IGSF21: variants seen among roughly 807,000 people sequenced by gnomAD.
IGSF21 encodes immunoglobulin superfamily member 21.
A neutral mutation model predicts 46.8 loss-of-function variants in IGSF21; 28 were observed. The ratio of observed to expected loss-of-function variants is 0.60; its 90% confidence interval spans 0.44 to 0.82. The LOEUF is 0.82. Ranked by LOEUF, IGSF21 falls within the 40% of genes least tolerant of loss-of-function variation. The pLI is 0.00. For synonymous variants in IGSF21, 284 were observed against 273.6 expected, an observed-to-expected ratio of 1.04 and a Z score of -0.38; for missense variants, 624 against 665.5, an observed-to-expected ratio of 0.94 and a Z score of 0.69.
chr1:18,180,805 A>G (rs915107483), intron 1 of IGSF21, among the ~76,000 whole-genome samples: 1 of 152,256 alleles, frequency 6.6e-6, no homozygotes, highest in Non-Finnish European at 1.5e-5. Flanking sequence ...CTGCAGTATT[A>G]TCCCCACTTC....
intron 3 of IGSF21, among the ~76,000 whole-genome samples, chr1:18,314,872 C>A (rs548714259): frequency 2.0e-4 from 30 of 152,168 alleles, no homozygotes; most frequent in Non-Finnish European, 2.9e-4. Context: ...CCAGGCTCAG[C>A]GGCAGGTACA....
intron 1 of IGSF21, among the ~76,000 whole-genome samples, chr1:18,213,649 G>A (rs954878108): frequency 1.3e-5 from 2 of 152,130 alleles, no homozygotes; most frequent in Admixed American, 1.3e-4. Context: ...GGGAGCACAC[G>A]GCCATCTTCC....
intron 1 of IGSF21, among the ~76,000 whole-genome samples, chr1:18,180,175 T>C (rs377340570): frequency 2.6e-5 from 4 of 152,220 alleles, no homozygotes; most frequent in African/African-American, 7.2e-5. Flanking sequence ...CATGGAAACA[T>C]AGGGTATAAT....
intron 2 of IGSF21, among the ~76,000 whole-genome samples, chr1:18,269,156 C>T (rs1227047515): frequency 6.6e-6 from 1 of 152,126 alleles, no homozygotes; most frequent in Non-Finnish European, 1.5e-5. Context: ...CAGAGGGTCA[C>T]TGGGGATTGG....
intron 1 of IGSF21, among the ~76,000 whole-genome samples, chr1:18,191,918 C>CGA (rs2086961278): frequency 6.6e-6 from 1 of 152,146 alleles, no homozygotes; most frequent in African/African-American, 2.4e-5. Flanking sequence ...TTGTGGAAGG[C>CGA]GCTGGCCCTG....
chr1:18,347,034 C>G (rs2085901033), intron 4 of IGSF21, among the ~76,000 whole-genome samples: 1 of 152,220 alleles, frequency 6.6e-6, no homozygotes, highest in Non-Finnish European at 1.5e-5. Flanking sequence ...AGGGGCCAGA[C>G]AGATGGGTTT....
intron 2 of IGSF21, among the ~76,000 whole-genome samples, chr1:18,230,850 C>A (rs1290436087): frequency 6.6e-6 from 1 of 152,026 alleles, no homozygotes; most frequent in East Asian, 1.9e-4. Flanking sequence ...TCCAGCCAGA[C>A]CCTCCTCTGA....
intron 5 of IGSF21, among the ~76,000 whole-genome samples, chr1:18,363,529 G>T (rs995150597): frequency 1.3e-5 from 2 of 151,888 alleles, no homozygotes; most frequent in Admixed American, 1.3e-4. Flanking sequence ...ACACAGGTGG[G>T]ACAGCGGGCA....
chr1:18,277,511 CA>C (rs1476973129), intron 2 of IGSF21, among the ~76,000 whole-genome samples: 11 of 152,228 alleles, frequency 7.2e-5, no homozygotes, highest in African/African-American at 2.7e-4. Flanking sequence ...GACCCTTTGT[CA>C]AACAAAGCAG....
At chr1:18,206,803 G>T (rs2084332961) in intron 1 of IGSF21, among the ~76,000 whole-genome samples, 1 of 152,216 alleles carries the variant, frequency 6.6e-6, no homozygotes, top group Non-Finnish European at 1.5e-5. Context: ...TTGGCACAAA[G>T]GAGCAGCATG....
At chr1:18,266,500 A>G (rs1569672468) in intron 2 of IGSF21, among the ~76,000 whole-genome samples, 1 of 152,144 alleles carries the variant, frequency 6.6e-6, no homozygotes, top group African/African-American at 2.4e-5. Context: ...CCTTTGACTG[A>G]CCCAGGCTGT....
At chr1:18,133,979 T>C (rs1446592595) in intron 1 of IGSF21, among the ~76,000 whole-genome samples, 1 of 152,226 alleles carries the variant, frequency 6.6e-6, no homozygotes, top group African/African-American at 2.4e-5. Context: ...AAATCCCTTA[T>C]TTAAGAGATC....
intron 3 of IGSF21, among the ~76,000 whole-genome samples, chr1:18,320,379 C>A (rs2085589273): frequency 6.6e-6 from 1 of 152,182 alleles, no homozygotes. Context: ...TTAAGAGAAC[C>A]CAGATTGAAG....
At chr1:18,301,665 C>G (rs2085363348) in intron 3 of IGSF21, among the ~76,000 whole-genome samples, 1 of 152,174 alleles carries the variant, frequency 6.6e-6, no homozygotes, top group African/African-American at 2.4e-5. Flanking sequence ...TGATGCCCAC[C>G]CTGTGCCAGG....
At chr1:18,233,742 C>T (rs2084648872) in intron 2 of IGSF21, among the ~76,000 whole-genome samples, 1 of 152,040 alleles carries the variant, frequency 6.6e-6, no homozygotes. Flanking sequence ...TCCATCCTAC[C>T]ACCTGCATTC....
At chr1:18,320,359 G>A (rs974329152) in intron 3 of IGSF21, among the ~76,000 whole-genome samples, 4 of 152,126 alleles carry the variant, frequency 2.6e-5, no homozygotes, top group Admixed American at 2.6e-4. Flanking sequence ...TAATTGGCCT[G>A]CCCTACTTTT....
intron 1 of IGSF21, among the ~76,000 whole-genome samples, chr1:18,223,388 A>G (rs2084529907): frequency 6.6e-6 from 1 of 152,168 alleles, no homozygotes; most frequent in African/African-American, 2.4e-5. Flanking sequence ...GACCCCATCA[A>G]GTAGTATGTT....
At chr1:18,194,271 G>A (rs1486543080) in intron 1 of IGSF21, among the ~76,000 whole-genome samples, 1 of 152,196 alleles carries the variant, frequency 6.6e-6, no homozygotes, top group Non-Finnish European at 1.5e-5. Flanking sequence ...TTTCATGCAG[G>A]TACCATGTGC....
At chr1:18,122,281 C>T (rs1301843937) in intron 1 of IGSF21, among the ~76,000 whole-genome samples, 2 of 148,860 alleles carry the variant, frequency 1.3e-5, no homozygotes, top group African/African-American at 5.0e-5. Context: ...CTCACTGCAA[C>T]CTCCGCCCCC....
Sources: gnomAD v4.1 joint callset for allele counts (sites outside exome capture counted in the v4.1 genomes callset) on GRCh38, gnomAD v4.1.1 for gene constraint, MANE v1.5 for transcripts, NCBI Gene and HGNC (gene_info 2026-07-23, HGNC 2026-07-21) for gene names.